NCKAP5: variants seen among roughly 807,000 people sequenced by gnomAD.
NCKAP5 encodes NCK associated protein 5, also known as nck-associated protein 5.
A neutral mutation model predicts 167.0 loss-of-function variants in NCKAP5; 92 were observed. That is an observed-to-expected ratio of 0.55 (90% CI 0.47 to 0.66). NCKAP5 has a LOEUF of 0.66. Among genes scored for constraint, NCKAP5 ranks in the 30% least tolerant of loss-of-function variants. The pLI is 0.00. For missense variants in NCKAP5, 2,378 were observed against 2,315.0 expected (o/e 1.03, Z -0.56); for synonymous variants, 891 against 877.4 (o/e 1.02, Z -0.27).
At chr2:133,298,041 C>A (rs1680091109) in intron 4 of NCKAP5, among the ~76,000 whole-genome samples, 1 of 152,172 alleles carries the variant, frequency 6.6e-6, no homozygotes, top group African/African-American at 2.4e-5. Flanking sequence ...AAAATTTAAT[C>A]ATAACCAGAA....
chr2:132,922,221 A>C (rs1170788169), intron 8 of NCKAP5, among the ~76,000 whole-genome samples: 1 of 152,172 alleles, frequency 6.6e-6, no homozygotes, highest in Non-Finnish European at 1.5e-5. Flanking sequence ...GGAGGAAAAG[A>C]GTATTCTAGG....
intron 3 of NCKAP5, among the ~76,000 whole-genome samples, chr2:133,359,791 T>C (rs577646716): frequency 6.6e-6 from 1 of 152,342 alleles, no homozygotes; most frequent in African/African-American, 2.4e-5. Context: ...ACTATATATT[T>C]GGCTATACAA....
intron 9 of NCKAP5, among the ~76,000 whole-genome samples, chr2:132,878,127 A>G (rs1691428754): frequency 6.6e-6 from 1 of 152,186 alleles, no homozygotes; most frequent in Non-Finnish European, 1.5e-5. Context: ...GATTGGTGTG[A>G]GCCCTGATGG....
At chr2:133,028,473 C>T (rs553615466) in intron 6 of NCKAP5, among the ~76,000 whole-genome samples, 1 of 152,208 alleles carries the variant, frequency 6.6e-6, no homozygotes, top group African/African-American at 2.4e-5. Context: ...CCATAGGTAC[C>T]TCTAAGAGTA....
rs575650583 is a variant in NCKAP5 at position 132,826,078 on chromosome 2, T to C, written c.808-29349A>G. 2.6e-5 allele frequency among the ~76,000 whole-genome samples: 4 copies of C among 152,320 alleles called. No individual in the cohort carries two copies. In the East Asian group the frequency reaches 7.7e-4, roughly 29 times the overall value. ...TGCTTATTTAAAAGGAGGTAAGAGA[T>C]AACTAATCCTTTGCTTTTGTAAAAT... is the stretch of plus-strand genomic sequence containing the variant. On this transcript the variant is annotated intron_variant, in intron 11 of 19. Coordinates refer to ENST00000409261, the MANE Select transcript of NCKAP5 (RefSeq NM_207363.3).
In NCKAP5 at chr2:132,720,245, A is replaced by G. The variant is rs147588465; in HGVS notation, c.5713+5382T>C. 6.0e-4 allele frequency among the ~76,000 whole-genome samples: 92 copies of G among 152,338 alleles called. 1 individual carries two copies. The East Asian group carries it at 0.016, about 27-fold the overall frequency. On this transcript the variant is annotated intron_variant, in intron 19 of 19. Transcript: ENST00000409261. Reference sequence around the variant, plus strand: ...CAAATTAGAGTGGGTAGCTCTGTGAACAAAACCACAACATTACTTCTGTCT... The same window carrying G: ...CAAATTAGAGTGGGTAGCTCTGTGAGCAAAACCACAACATTACTTCTGTCT...
chr2:133,373,344 C>A (rs1489487066), intron 3 of NCKAP5, among the ~76,000 whole-genome samples: 1 of 152,080 alleles, frequency 6.6e-6, no homozygotes, highest in Non-Finnish European at 1.5e-5. Flanking sequence ...TAGGAGTGAG[C>A]CACCACGCCT....
intron 11 of NCKAP5, among the ~76,000 whole-genome samples, chr2:132,800,810 G>A (rs982513867): frequency 2.6e-5 from 4 of 152,176 alleles, no homozygotes; most frequent in African/African-American, 4.8e-5. Flanking sequence ...CTCTTACTGA[G>A]TTGTTCTCTG....
chr2:132,713,694 T>C (rs79342912), intron 19 of NCKAP5, among the ~76,000 whole-genome samples: 1 of 139,036 alleles, frequency 7.2e-6, no homozygotes, highest in Non-Finnish European at 1.5e-5. Flanking sequence ...TATTACATCA[T>C]AAGACAGAAA....
chr2:133,440,933 T>C (rs1243576533), intron 3 of NCKAP5, among the ~76,000 whole-genome samples: 1 of 152,106 alleles, frequency 6.6e-6, no homozygotes, highest in East Asian at 1.9e-4. Context: ...ATGAAACTAC[T>C]TGAGACACAC....
At chr2:133,674,768 AG>A in the NCKAP5 span, among the ~76,000 whole-genome samples, 4 of 152,142 alleles carry the variant, frequency 2.6e-5, no homozygotes, top group Non-Finnish European at 5.9e-5. Flanking sequence ...GCTATTGAGG[AG>A]AGTTCCTGGG....
intron 6 of NCKAP5, among the ~76,000 whole-genome samples, chr2:133,073,655 A>AAAGTCT (rs1440707831): frequency 6.6e-6 from 1 of 152,184 alleles, no homozygotes; most frequent in Non-Finnish European, 1.5e-5. Flanking sequence ...AACAGAACCC[A>AAAGTCT]AAGTCTCTCA....
chr2:133,549,464 T>A, intron 2 of NCKAP5, among the ~76,000 whole-genome samples: 3 of 128,958 alleles, frequency 2.3e-5, no homozygotes, highest in African/African-American at 8.8e-5. Context: ...CTCAACTACA[T>A]GGAAACTGAA....
intron 4 of NCKAP5, among the ~76,000 whole-genome samples, chr2:133,294,384 A>G (rs1236516720): frequency 6.6e-6 from 1 of 152,212 alleles, no homozygotes; most frequent in Non-Finnish European, 1.5e-5. Context: ...GATACAGGAT[A>G]CACAGAAGGT....
At chr2:132,833,435 A>G (rs1416004198) in intron 11 of NCKAP5, among the ~76,000 whole-genome samples, 1 of 152,052 alleles carries the variant, frequency 6.6e-6, no homozygotes, top group East Asian at 1.9e-4. Context: ...ATCCATAAAA[A>G]TCTTTGCCTA....
intron 8 of NCKAP5, among the ~76,000 whole-genome samples, chr2:132,895,138 T>A (rs187507012): frequency 6.6e-6 from 1 of 151,970 alleles, no homozygotes; most frequent in Non-Finnish European, 1.5e-5. Flanking sequence ...GAGACCTTCC[T>A]GGCTAACACG....
chr2:132,871,507 T>A (rs1690810525), intron 9 of NCKAP5, among the ~76,000 whole-genome samples: 1 of 152,202 alleles, frequency 6.6e-6, no homozygotes, highest in African/African-American at 2.4e-5. Context: ...GGTCTCTCAC[T>A]GAAACCATTC....
chr2:132,808,712 T>C (rs557174125), intron 11 of NCKAP5, among the ~76,000 whole-genome samples: 87 of 152,100 alleles, frequency 5.7e-4, no homozygotes, highest in Non-Finnish European at 9.9e-4. Context: ...AATGAACCAG[T>C]TTTTTGTTTC....
chr2:133,417,680 C>T (rs989501865), intron 3 of NCKAP5, among the ~76,000 whole-genome samples: 1 of 152,062 alleles, frequency 6.6e-6, no homozygotes, highest in African/African-American at 2.4e-5. Flanking sequence ...CAGAGGAGAA[C>T]CACAGTGTAG....
Sources: gnomAD v4.1 joint callset for allele counts (sites outside exome capture counted in the v4.1 genomes callset) on GRCh38, gnomAD v4.1.1 for gene constraint, MANE v1.5 for transcripts, NCBI Gene and HGNC (gene_info 2026-07-23, HGNC 2026-07-21) for gene names.